DLG1: variants seen among roughly 807,000 people sequenced by gnomAD.
DLG1 encodes disks large homolog 1.
A neutral mutation model predicts 123.4 loss-of-function variants in DLG1; 42 were observed. The ratio of observed to expected loss-of-function variants is 0.34; its 90% CI spans 0.27 to 0.44. DLG1 has a LOEUF of 0.44. DLG1 is among the 20% of genes least tolerant of loss of function. DLG1 has a pLI of 1.00. For synonymous variants in DLG1, 317 were observed against 356.2 expected (o/e 0.89, Z 1.24); for missense variants, 942 against 1,082.6 (o/e 0.87, Z 1.82).
intron 24 of DLG1, among the ~76,000 whole-genome samples, chr3:197,046,362 G>A (rs1723049970): frequency 6.6e-6 from 1 of 152,106 alleles, no homozygotes; most frequent in South Asian, 2.1e-4. Flanking sequence ...AGTAAACCAG[G>A]GAAACTGGGA....
intron 3 of DLG1, among the ~76,000 whole-genome samples, chr3:197,292,394 A>G (rs1775375109): frequency 2.0e-5 from 3 of 152,248 alleles, no homozygotes; most frequent in African/African-American, 7.2e-5. Flanking sequence ...TGAGGTTTCT[A>G]ACATGATCAA....
intron 4 of DLG1, among the ~76,000 whole-genome samples, chr3:197,219,597 C>G (rs1319566519): frequency 1.3e-5 from 2 of 152,140 alleles, no homozygotes; most frequent in Non-Finnish European, 2.9e-5. Flanking sequence ...GTCCTAACTT[C>G]TAGTACCTCA....
intron 19 of DLG1, chr3:197,068,485 A>C (rs369116470): frequency 1.3e-6 from 2 of 1,535,168 alleles, no homozygotes; most frequent in Non-Finnish European, 1.8e-6. Context: ...TTAGGGACTG[A>C]TATTAACAGG....
At chr3:197,102,180 T>C (rs895673330) in intron 14 of DLG1, among the ~76,000 whole-genome samples, 1 of 152,224 alleles carries the variant, frequency 6.6e-6, no homozygotes, top group East Asian at 1.9e-4. Flanking sequence ...ATATGTCTTG[T>C]AGAGATTATT....
intron 4 of DLG1, among the ~76,000 whole-genome samples, chr3:197,207,620 AATCT>A (rs1414701631): frequency 6.6e-6 from 1 of 152,194 alleles, no homozygotes; most frequent in Admixed American, 6.5e-5. Flanking sequence ...CAAATTTTAA[AATCT>A]ATTATAAAAC....
At chr3:197,069,356 C>T in intron 18 of DLG1, 96 bp from the exon 19 acceptor site, 1 of 717,850 alleles carries the variant, frequency 1.4e-6, no homozygotes, top group South Asian at 2.9e-5. Flanking sequence ...CCATATATAA[C>T]AAAATAATTT....
intron 3 of DLG1, among the ~76,000 whole-genome samples, chr3:197,293,235 C>A (rs62282155): frequency 3.6e-4 from 55 of 152,176 alleles, no homozygotes; most frequent in Non-Finnish European, 6.8e-4. Context: ...ATGTGCAGTT[C>A]ATGGACTTTT....
At chr3:197,199,027 T>C (rs1724179776) in intron 4 of DLG1, among the ~76,000 whole-genome samples, 1 of 152,230 alleles carries the variant, frequency 6.6e-6, no homozygotes, top group Non-Finnish European at 1.5e-5. Context: ...CCATATACTT[T>C]AAAAGAGTAA....
chr3:197,136,387 C>T (rs146890953), intron 10 of DLG1, 155 bp downstream of exon 10: 12 of 576,222 alleles, frequency 2.1e-5, no homozygotes, highest in African/African-American at 2.1e-4. Context: ...TAAAGAATTA[C>T]CAAGAATCAT....
At chr3:197,067,551 GTTTT>G (rs199907948) in intron 19 of DLG1, among the ~76,000 whole-genome samples, 13 of 107,392 alleles carry the variant, frequency 1.2e-4, no homozygotes, top group African/African-American at 2.8e-4. Flanking sequence ...AACTCTGAGA[GTTTT>G]TTTTTTTTTT....
chr3:197,290,669 G>A (rs192890506), intron 3 of DLG1, among the ~76,000 whole-genome samples: 109 of 152,168 alleles, frequency 7.2e-4, no homozygotes, highest in African/African-American at 2.1e-3. Flanking sequence ...TCAGCTGGGC[G>A]CAGTGGCTCA....
chr3:197,281,647 C>G (rs1246432950), intron 4 of DLG1, among the ~76,000 whole-genome samples: 2 of 152,148 alleles, frequency 1.3e-5, no homozygotes, highest in East Asian at 1.9e-4. Flanking sequence ...AAACATTACA[C>G]TAATCAAAAA....
rs113680021 is a variant in DLG1 at position 197,291,994 on chromosome 3, C to T, written c.151+4352G>A. ...AAGTATCGGCAAGGATGTGGAGAAA[C>T]TGGAAATCCTGTGTGCTGCTGGTGA... On this transcript the variant is annotated intron_variant, in intron 3 of 24. Transcript: ENST00000667157. Among the ~76,000 whole-genome samples, 1,473 of 152,164 alleles carry T rather than the reference C, an allele frequency of 9.7e-3. 16 individuals are homozygous for T. Among genetic ancestry groups the T allele is most frequent in the African/African-American group, 0.023 (959 of 41,492 alleles).
Position 197,054,837 on chromosome 3 carries a change from C to T in DLG1, c.2484-3169G>A, listed in dbSNP as rs144664342. Among the ~76,000 whole-genome samples, 462 of 150,950 alleles carry T rather than the reference C, an allele frequency of 3.1e-3. 5 individuals carry two copies. The highest frequency in any genetic ancestry group is 0.017 in the Middle Eastern group (5 of 292). ...TTTTTGTTTATTTTTTTTTTTGAGA[C>T]GGAGTTTTGCTCTTGTTGCCTAGGC... On this transcript the variant is annotated intron_variant, in intron 23 of 24. Coordinates refer to ENST00000667157, the MANE Select transcript of DLG1 (RefSeq NM_001366207.1).
Position 197,280,957 on chromosome 3 carries a change from T to G in DLG1, c.318+1722A>C, listed in dbSNP as rs147503959. Among the ~76,000 whole-genome samples, 4 of 151,884 alleles carry G rather than the reference T, an allele frequency of 2.6e-5. No individual in the cohort carries two copies. The East Asian group carries it at 7.7e-4, about 29-fold the overall frequency. On this transcript the variant is annotated intron_variant, in intron 4 of 24. Transcript: ENST00000667157. ...GTATCTGATCTGGTAAGGGCCTTCT[T>G]GTTACATCTCAACATGGCAGAAAGC... is the stretch of plus-strand genomic sequence containing the variant.
At chr3:197,051,505 T>C in intron 24 of DLG1, 72 bp downstream of exon 24, 1 of 1,188,102 alleles carries the variant, frequency 8.4e-7, no homozygotes, top group Non-Finnish European at 1.3e-6. Context: ...AAAATCCACC[T>C]GAACGGGTCG....
intron 4 of DLG1, among the ~76,000 whole-genome samples, chr3:197,219,612 G>A (rs1050182645): frequency 6.6e-6 from 1 of 152,126 alleles, no homozygotes; most frequent in Non-Finnish European, 1.5e-5. Context: ...ACCTCAGAAT[G>A]TATCTTTATT....
At chr3:197,158,251 T>C (rs1306308219) in intron 5 of DLG1, among the ~76,000 whole-genome samples, 3 of 152,012 alleles carry the variant, frequency 2.0e-5, no homozygotes, top group Admixed American at 1.3e-4. Context: ...CTGGCTACTA[T>C]GAAGAAAACA....
At chr3:197,062,792 A>AAG (rs1736738172) in intron 22 of DLG1, among the ~76,000 whole-genome samples, 20 of 152,346 alleles carry the variant, frequency 1.3e-4, no homozygotes, top group Admixed American at 1.3e-3. Context: ...GATAAAGCAA[A>AAG]TAAACATACG....
Sources: allele counts gnomAD v4.1 joint callset (sites outside exome capture counted in the v4.1 genomes callset), GRCh38; gene constraint gnomAD v4.1.1; transcripts MANE v1.5; gene names NCBI Gene and HGNC (gene_info 2026-07-23, HGNC 2026-07-21).